Variants in PCDH11X observed in about 807,000 individuals in gnomAD.
PCDH11X encodes protocadherin 11 X-linked, also known as protocadherin-11 X-linked.
Under a neutral mutation model 53.3 loss-of-function variants are expected in PCDH11X, and 18 were observed. That is an observed-to-expected ratio of 0.34 (90% CI 0.23 to 0.50). The LOEUF is 0.50. Among genes scored for constraint, PCDH11X ranks in the 20% least tolerant of loss-of-function variants. PCDH11X has a pLI of 0.98. For synonymous variants in PCDH11X, 279 were observed against 393.3 expected (o/e 0.71, Z 3.44); for missense variants, 570 against 1,032.4 (o/e 0.55, Z 6.14).
chrX:91,889,069 T>G, intron 6 of PCDH11X, among the ~76,000 whole-genome samples: 1 of 111,532 alleles, frequency 9.0e-6, no homozygotes, highest in Non-Finnish European at 1.9e-5. Context: ...TAAAATTATT[T>G]TTTTAAATGC....
At chrX:91,842,609 A>G (rs1473684801) in intron 5 of PCDH11X, among the ~76,000 whole-genome samples, 1 of 109,568 alleles carries the variant, frequency 9.1e-6, no homozygotes, top group Non-Finnish European at 1.9e-5. Flanking sequence ...TAGGTGAACA[A>G]TCATAAGAAA....
intron 7 of PCDH11X, among the ~76,000 whole-genome samples, chrX:92,233,007 G>A (rs922806533): frequency 6.3e-5 from 7 of 111,703 alleles, no homozygotes; most frequent in Admixed American, 9.5e-5. Flanking sequence ...GAGCCACCGC[G>A]CCCGGCCTGC....
chrX:92,162,137 C>G (rs2065654626), intron 6 of PCDH11X, among the ~76,000 whole-genome samples: 1 of 94,877 alleles, frequency 1.1e-5, no homozygotes, highest in African/African-American at 4.0e-5. Flanking sequence ...GGTTCCTTCT[C>G]ATTTGGGTGG....
At chrX:92,186,628 CAAAA>C (rs34913850) in intron 6 of PCDH11X, among the ~76,000 whole-genome samples, 1 of 63,517 alleles carries the variant, frequency 1.6e-5, no homozygotes, top group African/African-American at 6.7e-5. Context: ...AACTCCGTCT[CAAAA>C]AAAAAAAAAA....
At chrX:92,273,204 G>A (rs2067997949) in intron 8 of PCDH11X, among the ~76,000 whole-genome samples, 1 of 110,330 alleles carries the variant, frequency 9.1e-6, no homozygotes. Flanking sequence ...GGAGATAGGG[G>A]TGGGGCTGTT....
intron 6 of PCDH11X, among the ~76,000 whole-genome samples, chrX:92,091,542 C>G (rs1027878368): frequency 1.8e-5 from 2 of 111,092 alleles, no homozygotes; most frequent in Non-Finnish European, 3.8e-5. Context: ...CCAAGGTGGT[C>G]GGGGCACAGC....
chrX:92,433,218 A>C (rs1262501648), intron 9 of PCDH11X, among the ~76,000 whole-genome samples: 1 of 111,575 alleles, frequency 9.0e-6, no homozygotes, highest in East Asian at 2.8e-4. Flanking sequence ...AAGTTTTATA[A>C]ATCATTTGCT....
chrX:92,036,519 T>C (rs2063127932), intron 6 of PCDH11X, among the ~76,000 whole-genome samples: 1 of 109,033 alleles, frequency 9.2e-6, no homozygotes. Context: ...TCTGCTGCCA[T>C]GTGAGATATG....
At chrX:91,852,852 C>T (rs1250140019) in intron 5 of PCDH11X, among the ~76,000 whole-genome samples, 1 of 104,772 alleles carries the variant, frequency 9.5e-6, no homozygotes, top group Non-Finnish European at 2.0e-5. Flanking sequence ...CAATAGAAAA[C>T]CATTGCTTTA....
chrX:92,194,443 AT>A (rs1226981658), intron 6 of PCDH11X, among the ~76,000 whole-genome samples: 1 of 111,236 alleles, frequency 9.0e-6, no homozygotes, highest in East Asian at 2.8e-4. Flanking sequence ...ATACAACTTC[AT>A]TTTTATGGCA....
intron 6 of PCDH11X, among the ~76,000 whole-genome samples, chrX:92,195,295 T>C (rs767305305): frequency 9.0e-6 from 1 of 111,260 alleles, no homozygotes; most frequent in Middle Eastern, 4.6e-3. Flanking sequence ...CTTGACTTGA[T>C]GATTAAGATA....
At chrX:92,441,410 G>T (rs2072512662) in intron 9 of PCDH11X, among the ~76,000 whole-genome samples, 2 of 111,698 alleles carry the variant, frequency 1.8e-5, no homozygotes, top group Admixed American at 1.9e-4. Context: ...GCCTATGAGG[G>T]AAAAATGGTT....
chrX:92,053,877 T>A (rs1176583283), intron 6 of PCDH11X, among the ~76,000 whole-genome samples: 1 of 111,952 alleles, frequency 8.9e-6, no homozygotes, highest in Non-Finnish European at 1.9e-5. Flanking sequence ...CCAAGTCTGG[T>A]ATTTTTTAAA....
chrX:92,279,449 A>T (rs778731949), intron 8 of PCDH11X, among the ~76,000 whole-genome samples: 13 of 112,120 alleles, frequency 1.2e-4, no homozygotes, highest in Admixed American at 1.0e-3. Context: ...TCAGCATTGA[A>T]TGCAATTTTT....
At chrX:92,196,456 A>G (rs2066293057) in intron 6 of PCDH11X, among the ~76,000 whole-genome samples, 1 of 111,769 alleles carries the variant, frequency 8.9e-6, no homozygotes, top group African/African-American at 3.2e-5. Context: ...TTACCTGAGT[A>G]AGAAGAATTT....
intron 8 of PCDH11X, among the ~76,000 whole-genome samples, chrX:92,319,167 T>A (rs113972886): frequency 0.13 from 14,968 of 111,118 alleles, 755 homozygotes; most frequent in African/African-American, 0.18. Context: ...ACCACCTGGA[T>A]TTTCTTTCCT....
chrX:92,091,166 CT>C (rs200773963), intron 6 of PCDH11X, among the ~76,000 whole-genome samples: 1,573 of 111,421 alleles, frequency 0.014, 27 homozygotes, highest in African/African-American at 0.049. Flanking sequence ...TTCTTCCTTT[CT>C]TTTATGATTT....
At chrX:92,425,345 T>C (rs764146946) in intron 9 of PCDH11X, among the ~76,000 whole-genome samples, 1 of 108,917 alleles carries the variant, frequency 9.2e-6, no homozygotes, top group South Asian at 4.1e-4. Flanking sequence ...ATTATAGATG[T>C]GTTTTGAAGA....
intron 9 of PCDH11X, among the ~76,000 whole-genome samples, chrX:92,398,775 C>T (rs1456373171): frequency 1.8e-5 from 2 of 111,277 alleles, no homozygotes; most frequent in Non-Finnish European, 3.8e-5. Context: ...GACATTTAGG[C>T]TTCCTGTGCC....
Sources: allele counts gnomAD v4.1 joint callset (sites outside exome capture counted in the v4.1 genomes callset), GRCh38; gene constraint gnomAD v4.1.1; transcripts MANE v1.5; gene names NCBI Gene and HGNC (gene_info 2026-07-23, HGNC 2026-07-21).